Variants in RASSF6 observed in about 807,000 individuals in gnomAD.
The protein encoded by RASSF6 is ras association domain-containing protein 6.
In RASSF6, 52 loss-of-function variants were observed where a neutral mutation model predicts 44.0. The ratio of observed to expected loss-of-function variants is 1.18; its 90% CI spans 0.95 to 1.49. The LOEUF (loss-of-function observed/expected upper bound fraction) is 1.49, where lower values mean the gene tolerates loss of function less well. Ranked by LOEUF, RASSF6 falls within the 40% of genes most tolerant of loss-of-function variation. RASSF6 has a pLI of 0.00. For synonymous variants in RASSF6, 162 were observed against 124.6 expected, an observed-to-expected ratio of 1.30 and a Z score of -2.00; for missense variants, 464 against 393.3, an observed-to-expected ratio of 1.18 and a Z score of -1.52.
intron 3 of RASSF6, 29 bp downstream of exon 3, chr4:73,598,611 A>G (rs776459795): frequency 8.2e-7 from 1 of 1,217,106 alleles, no homozygotes; most frequent in Non-Finnish European, 1.2e-6. Context: ...TGTGAATAAC[A>G]CCGGATTGCC....
chr4:73,600,230 G>T (rs564614887), intron 2 of RASSF6, among the ~76,000 whole-genome samples: 2 of 152,192 alleles, frequency 1.3e-5, no homozygotes, highest in African/African-American at 4.8e-5. Context: ...CAGGGCAGGG[G>T]TATGTATGCA....
intron 1 of RASSF6, among the ~76,000 whole-genome samples, chr4:73,619,312 C>G (rs1464164102): frequency 6.6e-6 from 1 of 152,154 alleles, no homozygotes; most frequent in African/African-American, 2.4e-5. Flanking sequence ...CATACTCTAT[C>G]TGAAAAATGG....
At chr4:73,598,514 C>A in intron 3 of RASSF6, 126 bp downstream of exon 3, 2 of 551,264 alleles carry the variant, frequency 3.6e-6, no homozygotes, top group African/African-American at 2.0e-5. Context: ...GTGTTCCAAG[C>A]CCAAGTCTAA....
chr4:73,616,877 A>C (rs1726396807), intron 1 of RASSF6, among the ~76,000 whole-genome samples: 1 of 152,230 alleles, frequency 6.6e-6, no homozygotes, highest in Non-Finnish European at 1.5e-5. Context: ...TATGACCTGG[A>C]ACCTTGGAGT....
intron 2 of RASSF6, among the ~76,000 whole-genome samples, chr4:73,607,254 G>C (rs1725707413): frequency 6.6e-6 from 1 of 152,126 alleles, no homozygotes; most frequent in African/African-American, 2.4e-5. Context: ...ACACCGTTAT[G>C]GCAGGTTAAG....
At chr4:73,603,804 G>T (rs1247656) in intron 2 of RASSF6, among the ~76,000 whole-genome samples, 2 of 152,350 alleles carry the variant, frequency 1.3e-5, no homozygotes, top group East Asian at 3.9e-4. Context: ...AATTATGTCT[G>T]ATATCCATAG....
intron 2 of RASSF6, chr4:73,604,008 C>T (rs564831813): frequency 1.3e-5 from 2 of 152,274 alleles, no homozygotes; most frequent in African/African-American, 2.4e-5. Context: ...TATGCCGTCA[C>T]CCTACACAAA....
intron 3 of RASSF6, among the ~76,000 whole-genome samples, chr4:73,597,273 C>A (rs1181202013): frequency 6.6e-6 from 1 of 152,044 alleles, no homozygotes; most frequent in East Asian, 1.9e-4. Flanking sequence ...GACAAATTTA[C>A]AAGGGAAAAA....
chr4:73,578,354 A>T (rs1169650798), intron 8 of RASSF6, among the ~76,000 whole-genome samples: 4 of 152,158 alleles, frequency 2.6e-5, no homozygotes, highest in Non-Finnish European at 4.4e-5. Flanking sequence ...AATCTTGTAC[A>T]ACCTAGCTGT....
intron 2 of RASSF6, among the ~76,000 whole-genome samples, chr4:73,610,499 T>C (rs921664687): frequency 6.6e-6 from 1 of 152,202 alleles, no homozygotes; most frequent in Non-Finnish European, 1.5e-5. Flanking sequence ...AAACCCTACA[T>C]GTTCTGAGCC....
intron 2 of RASSF6, among the ~76,000 whole-genome samples, chr4:73,610,497 C>T (rs545528140): frequency 4.6e-5 from 7 of 152,314 alleles, no homozygotes; most frequent in African/African-American, 1.7e-4. Context: ...TCAAACCCTA[C>T]ATGTTCTGAG....
Position 73,618,301 on chromosome 4 carries a change from T to TCTATCTATCTATCTATCTATC in RASSF6, c.-35+1986_-35+1987insGATAGATAGATAGATAGATAG, listed in dbSNP as rs141840617. ...ATTCTAATGTATAGATATAAAGTTGTTATCTATCTATCTATCTATCTAAAC... is the reference window on the plus strand; with the variant it reads ...ATTCTAATGTATAGATATAAAGTTGTCTATCTATCTATCTATCTATCTATCTATCTATCTATCTATCTAAAC... On this transcript the variant is annotated intron_variant, in intron 1 of 10. Transcript: ENST00000307439. Among the ~76,000 whole-genome samples, 90 of 150,330 alleles carry TCTATCTATCTATCTATCTATC rather than the reference T, an allele frequency of 6.0e-4. 1 individual carries two copies. Among genetic ancestry groups the TCTATCTATCTATCTATCTATC allele is most frequent in the Non-Finnish European group, 9.2e-4 (62 of 67,538 alleles).
intron 6 of RASSF6, among the ~76,000 whole-genome samples, chr4:73,583,905 C>T (rs1357396183): frequency 2.0e-5 from 3 of 152,142 alleles, no homozygotes; most frequent in Non-Finnish European, 4.4e-5. Flanking sequence ...AGCATTTAAC[C>T]ACCATTCCGT....
chr4:73,614,253 G>C (rs111330301), intron 1 of RASSF6, among the ~76,000 whole-genome samples: 2 of 152,104 alleles, frequency 1.3e-5, no homozygotes, highest in African/African-American at 4.8e-5. Flanking sequence ...GGATTATTGC[G>C]TCAGCCTACT....
chr4:73,611,903 G>T, intron 1 of RASSF6, 74 bp from the exon 2 acceptor site: 1 of 1,026,694 alleles, frequency 9.7e-7, no homozygotes, highest in Non-Finnish European at 1.5e-6. Context: ...TAAGTTGAGT[G>T]TTTTGTTGTG....
In RASSF6 at chr4:73,617,220, A is replaced by G. The variant is rs142902840; in HGVS notation, c.-35+3068T>C. On this transcript the variant is annotated intron_variant, in intron 1 of 10. Coordinates refer to ENST00000307439, the MANE Select transcript of RASSF6 (RefSeq NM_177532.5). ...TATGAATCAAACACACTTCTATGTG[A>G]GCATGCCACTGCCCTCAGTTCAAGT... Among the ~76,000 whole-genome samples the G allele has an allele frequency of 2.2e-4, 33 of 152,334 alleles. No homozygotes were observed. In the East Asian group the frequency reaches 5.2e-3, roughly 24 times the overall value.
At chr4:73,615,849 T>G in intron 1 of RASSF6, 11 of 1,521,654 alleles carry the variant, frequency 7.2e-6, no homozygotes, top group South Asian at 4.8e-5. Flanking sequence ...CACCTCCCCC[T>G]GCTCTGCATT....
At chr4:73,602,906 G>A (rs1725371509) in intron 2 of RASSF6, among the ~76,000 whole-genome samples, 1 of 152,142 alleles carries the variant, frequency 6.6e-6, no homozygotes, top group African/African-American at 2.4e-5. Flanking sequence ...GGATAACACG[G>A]TGAAACCCCG....
rs1726317445 is a variant in RASSF6, at chr4:73,615,813, C to T, written c.-34-3984G>A. 11 of 1,181,532 alleles carry T rather than the reference C, an allele frequency of 9.3e-6. No individual in the cohort carries two copies. The South Asian group carries it at 1.1e-4, about 11-fold the overall frequency. 73.2% of individuals were successfully genotyped at this position (1,181,532 alleles called of 1,614,324 possible). A position where few individuals can be genotyped will look rare whatever the true frequency, so the allele number is the denominator to read the frequency against. On this transcript the variant is annotated intron_variant, in intron 1 of 10. Coordinates refer to ENST00000307439, the MANE Select transcript of RASSF6 (RefSeq NM_177532.5). ...AGGAGGCAGTGTTGGGCAGCATTAGCGTTCCAGCAATGCTGGAACGTGGTT... is the reference window on the plus strand; with the variant it reads ...AGGAGGCAGTGTTGGGCAGCATTAGTGTTCCAGCAATGCTGGAACGTGGTT...
Sources: gnomAD v4.1 joint callset for allele counts (sites outside exome capture counted in the v4.1 genomes callset) on GRCh38, gnomAD v4.1.1 for gene constraint, MANE v1.5 for transcripts, NCBI Gene and HGNC (gene_info 2026-07-23, HGNC 2026-07-21) for gene names.